Variants in PRSS23 observed in about 807,000 individuals in gnomAD.
The protein encoded by PRSS23 is protease, serine 23.
Under a neutral mutation model 34.7 loss-of-function variants are expected in PRSS23, and 25 were observed. That is an observed-to-expected ratio of 0.72 (90% CI 0.53 to 1.01). PRSS23 has a LOEUF of 1.01. Among genes scored for constraint, PRSS23 ranks in the 50% least tolerant of loss-of-function variants. The pLI is 0.00. For synonymous variants in PRSS23, 176 were observed against 186.6 expected (o/e 0.94, Z 0.46); for missense variants, 445 against 475.6 (o/e 0.94, Z 0.60).
intron 1 of PRSS23, among the ~76,000 whole-genome samples, chr11:86,801,749 A>C (rs1948041604): frequency 6.6e-6 from 1 of 152,188 alleles, no homozygotes; most frequent in Non-Finnish European, 1.5e-5. Flanking sequence ...CCTACCATGA[A>C]GTCTGTCAGG....
rs1183880605 is a variant in PRSS23 at position 86,840,296 on chromosome 11, A to G, written c.206+16703A>G. On this transcript the variant is annotated intron_variant, in intron 2 of 2. Coordinates refer to the PRSS23 transcript ENST00000533902. Reference sequence around the variant, plus strand: ...GGAAAGCAAAACAAACAAACAAACAAAAAAAGCAGGGATTGCAATCCTAGT... The same window carrying G: ...GGAAAGCAAAACAAACAAACAAACAGAAAAAGCAGGGATTGCAATCCTAGT... Among the ~76,000 whole-genome samples, 3 of 152,220 alleles carry G rather than the reference A, an allele frequency of 2.0e-5. No individual in the cohort carries two copies. In the East Asian group the frequency reaches 5.8e-4, roughly 29 times the overall value.
chr11:86,815,896 AGATTCCAAACTG>A (rs985178624), downstream of PRSS23, among the ~76,000 whole-genome samples: 5 of 152,304 alleles, frequency 3.3e-5, no homozygotes, highest in East Asian at 9.6e-4. Flanking sequence ...CTATGACAGC[AGATTCCAAACTG>A]GATTCTGAGC....
chr11:86,937,848 G>A (rs1949175161), intron 2 of PRSS23: 1 of 152,024 alleles, frequency 6.6e-6, no homozygotes, highest in Admixed American at 6.6e-5. Context: ...TTTCTTGCGT[G>A]AGATCCAGTA....
chr11:86,831,950 T>C (rs940734213), intron 2 of PRSS23, among the ~76,000 whole-genome samples: 3 of 152,000 alleles, frequency 2.0e-5, no homozygotes, highest in African/African-American at 7.3e-5. Context: ...GTGTACACCC[T>C]GTGATATTAT....
chr11:86,812,035 G>T (rs1393762697), downstream of PRSS23, among the ~76,000 whole-genome samples: 1 of 152,146 alleles, frequency 6.6e-6, no homozygotes, highest in African/African-American at 2.4e-5. Context: ...TCTGACCATT[G>T]ATTTCTATGG....
rs532129933 is a variant in PRSS23 at position 86,906,170 on chromosome 11, A to G, written c.207-45046A>G. Among the ~76,000 whole-genome samples, 615 of 152,338 alleles carry G rather than the reference A, an allele frequency of 4.0e-3. 4 individuals are homozygous for G. Among genetic ancestry groups the G allele is most frequent in the African/African-American group, 0.014 (596 of 41,588 alleles). Reference sequence around the variant, plus strand: ...CTGGCGGGGCCGGGGGGCGGGGGCAAGAGGAAAGCTAATACCTCTAATATT... The same window carrying G: ...CTGGCGGGGCCGGGGGGCGGGGGCAGGAGGAAAGCTAATACCTCTAATATT... On this transcript the variant is annotated intron_variant, in intron 2 of 2. Coordinates refer to the PRSS23 transcript ENST00000533902.
In PRSS23 at chr11:86,832,200, A is replaced by T. The variant is rs577340596; in HGVS notation, c.206+8607A>T. Among the ~76,000 whole-genome samples the T allele has an allele frequency of 6.6e-5, 10 of 152,220 alleles. No homozygotes were observed. In the South Asian group the frequency reaches 1.7e-3, roughly 25 times the overall value. On this transcript the variant is annotated intron_variant, in intron 2 of 2. Coordinates refer to the PRSS23 transcript ENST00000533902. ...ATTCATAATATCGTAGGGAGATATA[A>T]TTCCTAATATCACAGTGGGTGTACC...
chr11:86,871,559 A>C (rs1590904757), intron 2 of PRSS23, among the ~76,000 whole-genome samples: 1 of 152,058 alleles, frequency 6.6e-6, no homozygotes, highest in East Asian at 1.9e-4. Flanking sequence ...CTCTATTTCT[A>C]TTTCTTCCAC....
At chr11:86,851,000 A>G (rs117932556) in intron 2 of PRSS23, among the ~76,000 whole-genome samples, 18 of 152,300 alleles carry the variant, frequency 1.2e-4, no homozygotes, top group East Asian at 9.6e-4. Flanking sequence ...GAAACTTTGT[A>G]CTTTCACACC....
chr11:86,927,419 T>A (rs568602745), intron 2 of PRSS23, among the ~76,000 whole-genome samples: 1 of 152,218 alleles, frequency 6.6e-6, no homozygotes, highest in South Asian at 2.1e-4. Context: ...CCAGTTGGCA[T>A]TGAGTAGAAT....
chr11:86,892,498 G>T (rs928520437), intron 2 of PRSS23: 1 of 152,186 alleles, frequency 6.6e-6, no homozygotes, highest in African/African-American at 2.4e-5. Flanking sequence ...AGCCAAGTCA[G>T]ATACACCAGA....
At position 86,818,356 on chromosome 11, in the gene PRSS23, G is replaced by A. The variant is rs1372679953; in HGVS notation, c.-11-5021G>A. 3.9e-5 allele frequency among the ~76,000 whole-genome samples: 6 copies of A among 152,174 alleles called. No homozygotes were observed. The South Asian group carries it at 1.0e-3, about 26-fold the overall frequency. ...AATGGCCAACATTCAGAAGTTTCTC[G>A]AGTGCCTGGGGTGGGAATCTAAATT... is the stretch of plus-strand genomic sequence containing the variant. On this transcript the variant is annotated intron_variant, in intron 1 of 2. Coordinates refer to the PRSS23 transcript ENST00000533902.
At chr11:86,937,536 A>G (rs1949172784) in intron 2 of PRSS23, 1 of 152,236 alleles carries the variant, frequency 6.6e-6, no homozygotes, top group Admixed American at 6.5e-5. Context: ...AATAGGTTGC[A>G]GTAAAGAAGC....
upstream of PRSS23, chr11:86,800,370 C>A: frequency 1.1e-6 from 1 of 874,246 alleles, no homozygotes; most frequent in Non-Finnish European, 1.4e-6. Flanking sequence ...CTCTGGGCTG[C>A]TCCACCCTGC....
chr11:86,828,106 C>T (rs1395216475), intron 2 of PRSS23, among the ~76,000 whole-genome samples: 5 of 152,062 alleles, frequency 3.3e-5, no homozygotes, highest in African/African-American at 1.2e-4. Flanking sequence ...TTAAAGTCTC[C>T]CATTATTATT....
intron 2 of PRSS23, among the ~76,000 whole-genome samples, chr11:86,879,590 G>C (rs1948755622): frequency 1.4e-5 from 2 of 140,886 alleles, no homozygotes; most frequent in African/African-American, 2.6e-5. Flanking sequence ...CGTCAGGGAG[G>C]TGAGGGGCGC....
intron 2 of PRSS23, chr11:86,945,904 A>C (rs1326225133): frequency 6.6e-6 from 1 of 152,570 alleles, no homozygotes; most frequent in East Asian, 1.9e-4. Flanking sequence ...AGTCCCCCAG[A>C]TTGGCTTCAA....
chr11:86,814,242 T>G, downstream of PRSS23, among the ~76,000 whole-genome samples: 1 of 152,114 alleles, frequency 6.6e-6, no homozygotes, highest in Non-Finnish European at 1.5e-5. Context: ...AGATGATATT[T>G]AAACCACAGA....
intron 2 of PRSS23, among the ~76,000 whole-genome samples, chr11:86,873,565 G>T (rs1002630122): frequency 6.6e-6 from 1 of 151,988 alleles, no homozygotes; most frequent in Non-Finnish European, 1.5e-5. Context: ...TTGTAGGCAT[G>T]AGCCACCGTG....
Sources: gnomAD v4.1 joint callset for allele counts (sites outside exome capture counted in the v4.1 genomes callset) on GRCh38, gnomAD v4.1.1 for gene constraint, MANE v1.5 for transcripts, NCBI Gene and HGNC (gene_info 2026-07-23, HGNC 2026-07-21) for gene names.